RALYL: variants seen among roughly 807,000 people sequenced by gnomAD.
RALYL encodes RALY RNA binding protein like, also known as RNA-binding Raly-like protein.
Under a neutral mutation model 35.1 loss-of-function variants are expected in RALYL, and 29 were observed. That is an observed-to-expected ratio of 0.83 (90% CI 0.61 to 1.13). The LOEUF is 1.13. RALYL is among the 50% of genes most tolerant of loss of function. RALYL has a pLI of 0.00. For synonymous variants in RALYL, 120 were observed against 127.6 expected (o/e 0.94, Z 0.40); for missense variants, 359 against 360.4 (o/e 1.00, Z 0.03).
chr8:84,654,306 T>TAC lies in RALYL; in HGVS notation c.257-120272_257-120271insCA, dbSNP rs1319132026. Among the ~76,000 whole-genome samples the TAC allele has an allele frequency of 3.9e-4, 52 of 132,392 alleles. 1 individual carries two copies. The highest frequency in any genetic ancestry group is 1.4e-3 in the African/African-American group (51 of 36,126). The allele number at this position is 132,392 out of a possible 152,430, so 86.9% of individuals were successfully genotyped here. A position where few individuals can be genotyped will look rare whatever the true frequency, so the allele number is the denominator to read the frequency against. On this transcript the variant is annotated intron_variant, in intron 2 of 8. Coordinates refer to ENST00000521268, the MANE Select transcript of RALYL (RefSeq NM_173848.7). ...ATATATATATATATATATATATATATATATATATCATGTACCACATATAGG... is the reference window on the plus strand; with the variant it reads ...ATATATATATATATATATATATATATACATATATATCATGTACCACATATAGG...
intron 1 of RALYL, among the ~76,000 whole-genome samples, chr8:84,394,913 A>G (rs1861462967): frequency 6.6e-6 from 1 of 151,962 alleles, no homozygotes; most frequent in Non-Finnish European, 1.5e-5. Context: ...AAAACATAAT[A>G]AAGTGAAGTT....
rs906104005 is a variant in RALYL at position 84,417,899 on chromosome 8, A to G, written c.-23-111400A>G. Among the ~76,000 whole-genome samples, 18 of 152,290 alleles carry G rather than the reference A, an allele frequency of 1.2e-4. No homozygotes were observed. In the East Asian group the frequency reaches 1.5e-3, roughly 13 times the overall value. On this transcript the variant is annotated intron_variant, in intron 1 of 8. Transcript: ENST00000521268. ...AGTCTCAAGGCTTCAGCTTTCGGAA[A>G]TTAAAATAATTTTGCTTCTCTATTT...
intron 6 of RALYL, among the ~76,000 whole-genome samples, chr8:84,868,237 C>T (rs886149122): frequency 3.9e-5 from 6 of 152,098 alleles, no homozygotes; most frequent in African/African-American, 1.4e-4. Flanking sequence ...AATAGAGTAT[C>T]ACTCTGTCAC....
chr8:84,258,331 A>C (rs1216643853), intron 1 of RALYL, among the ~76,000 whole-genome samples: 1 of 152,150 alleles, frequency 6.6e-6, no homozygotes, highest in African/African-American at 2.4e-5. Context: ...TTTGACTAGA[A>C]TCAGTGTCAA....
At chr8:84,823,264 G>C (rs1272274345) in intron 4 of RALYL, among the ~76,000 whole-genome samples, 1 of 152,128 alleles carries the variant, frequency 6.6e-6, no homozygotes, top group Non-Finnish European at 1.5e-5. Flanking sequence ...TTGCCTTTGG[G>C]GAGGTAGTAA....
At chr8:84,436,557 T>C (rs969496204) in intron 1 of RALYL, among the ~76,000 whole-genome samples, 1 of 147,858 alleles carries the variant, frequency 6.8e-6, no homozygotes, top group Non-Finnish European at 1.5e-5. Flanking sequence ...TTTTTTTTTT[T>C]TTTTTTTTTT....
At chr8:84,650,476 C>G (rs374540610) in intron 2 of RALYL, among the ~76,000 whole-genome samples, 1 of 150,982 alleles carries the variant, frequency 6.6e-6, no homozygotes, top group Non-Finnish European at 1.5e-5. Context: ...AAAAAATGCT[C>G]ACCATCACTG....
intron 1 of RALYL, among the ~76,000 whole-genome samples, chr8:84,527,136 C>G (rs1250698580): frequency 6.6e-6 from 1 of 152,112 alleles, no homozygotes; most frequent in Non-Finnish European, 1.5e-5. Context: ...TAGAAACTGA[C>G]AAGTCGGTGG....
At chr8:84,228,186 G>T (rs547937408) in intron 1 of RALYL, among the ~76,000 whole-genome samples, 2 of 149,120 alleles carry the variant, frequency 1.3e-5, no homozygotes, top group African/African-American at 4.9e-5. Flanking sequence ...ATGTGATTGT[G>T]GTAGTTAATG....
At chr8:84,254,746 G>GA (rs10675428) in intron 1 of RALYL, among the ~76,000 whole-genome samples, 143 of 126,464 alleles carry the variant, frequency 1.1e-3, no homozygotes, top group Middle Eastern at 4.0e-3. Flanking sequence ...GGTAATTTAT[G>GA]AAAAAAAAAA....
intron 1 of RALYL, among the ~76,000 whole-genome samples, chr8:84,403,530 T>TC (rs1466210896): frequency 7.7e-6 from 1 of 129,630 alleles, no homozygotes; most frequent in Non-Finnish European, 1.6e-5. Flanking sequence ...CTCTGTTTTT[T>TC]TTTTTTTTTT....
intron 4 of RALYL, chr8:84,828,898 C>T (rs1419403345): frequency 2.0e-5 from 3 of 152,484 alleles, no homozygotes; most frequent in Admixed American, 6.6e-5. Context: ...GCTCAAAATG[C>T]TTTATACATT....
intron 1 of RALYL, among the ~76,000 whole-genome samples, chr8:84,528,305 A>T (rs879899065): frequency 6.6e-6 from 1 of 152,118 alleles, no homozygotes; most frequent in Non-Finnish European, 1.5e-5. Context: ...TAAATGATGC[A>T]TGACAAAAAA....
chr8:84,561,050 A>G lies in RALYL; in HGVS notation c.256+31473A>G, dbSNP rs549824128. Among the ~76,000 whole-genome samples, 36 of 152,150 alleles carry G rather than the reference A, an allele frequency of 2.4e-4. No individual in the cohort carries two copies. The South Asian group carries it at 7.5e-3, about 32-fold the overall frequency. ...AGCTCCTTCCTGTCTTCACTCATTA[A>G]GTTTTATTGAATACAATATGCCAGG... On this transcript the variant is annotated intron_variant, in intron 2 of 8. Coordinates refer to ENST00000521268, the MANE Select transcript of RALYL (RefSeq NM_173848.7).
intron 1 of RALYL, among the ~76,000 whole-genome samples, chr8:84,219,021 C>T (rs182639675): frequency 4.9e-4 from 74 of 152,070 alleles, no homozygotes; most frequent in Admixed American, 4.3e-3. Flanking sequence ...AAATTTAGTG[C>T]CCTCTTGGAT....
rs1431015638 is a variant in RALYL at position 84,433,807 on chromosome 8, A to G, written c.-23-95492A>G. Among the ~76,000 whole-genome samples, 12 of 116,506 alleles carry G rather than the reference A, an allele frequency of 1.0e-4. No individual in the cohort carries two copies. In the Admixed American group the frequency reaches 1.1e-3, roughly 10 times the overall value. The allele number at this position is 116,506 out of a possible 152,430, so 76.4% of individuals were successfully genotyped here. On this transcript the variant is annotated intron_variant, in intron 1 of 8. Coordinates refer to ENST00000521268, the MANE Select transcript of RALYL (RefSeq NM_173848.7). The stretch of plus-strand genomic sequence containing the variant: ...AATGGACTAATATATGTGTGCATGT[A>G]TGTGTGCGTGTGTGTGTGTGTGTGT...
At chr8:84,783,247 G>A (rs1283947223) in intron 3 of RALYL, among the ~76,000 whole-genome samples, 1 of 152,128 alleles carries the variant, frequency 6.6e-6, no homozygotes, top group Non-Finnish European at 1.5e-5. Flanking sequence ...TTGGGGAAAT[G>A]TAATTAAAAC....
At chr8:84,862,630 G>A (rs556685867) in intron 6 of RALYL, among the ~76,000 whole-genome samples, 177 bp downstream of exon 6, 1 of 152,308 alleles carries the variant, frequency 6.6e-6, no homozygotes, top group Non-Finnish European at 1.5e-5. Flanking sequence ...ATACTGTGTT[G>A]CAGTAGGGGA....
At chr8:84,744,120 T>C (rs1011736170) in intron 2 of RALYL, among the ~76,000 whole-genome samples, 1 of 151,972 alleles carries the variant, frequency 6.6e-6, no homozygotes, top group Non-Finnish European at 1.5e-5. Flanking sequence ...CAACAATTTT[T>C]AAAAAATAAA....
Sources: gnomAD v4.1 joint callset for allele counts (sites outside exome capture counted in the v4.1 genomes callset) on GRCh38, gnomAD v4.1.1 for gene constraint, MANE v1.5 for transcripts, NCBI Gene and HGNC (gene_info 2026-07-23, HGNC 2026-07-21) for gene names.